PLEKHA2: variants seen among roughly 807,000 people sequenced by gnomAD.
PLEKHA2 encodes pleckstrin homology domain-containing family A member 2.
PLEKHA2 carries 28 observed loss-of-function variants against 53.2 expected under a neutral mutation model. The observed-to-expected ratio is 0.53, with a 90% CI of 0.39 to 0.72. The LOEUF is 0.72. Among genes scored for constraint, PLEKHA2 ranks in the 30% least tolerant of loss-of-function variants. The pLI, the probability that PLEKHA2 is intolerant of heterozygous loss-of-function variation, is 0.00. For missense variants in PLEKHA2, 426 were observed against 537.9 expected, an observed-to-expected ratio of 0.79 and a Z score of 2.06; for synonymous variants, 193 against 196.4, an observed-to-expected ratio of 0.98 and a Z score of 0.14.
intron 3 of PLEKHA2, among the ~76,000 whole-genome samples, chr8:38,941,739 A>C (rs1266812650): frequency 6.6e-6 from 1 of 152,216 alleles, no homozygotes; most frequent in Non-Finnish European, 1.5e-5. Context: ...TGACTGTCTT[A>C]CCTGCACTAT....
In PLEKHA2 at chr8:38,954,879, A is replaced by G. The variant is rs550508957; in HGVS notation, c.773+1512A>G. Among the ~76,000 whole-genome samples, 3 of 152,034 alleles carry G rather than the reference A, an allele frequency of 2.0e-5. No individual in the cohort carries two copies. In the East Asian group the frequency reaches 5.8e-4, roughly 29 times the overall value. ...GAAACCCCTTCTTTACTAAAAATACAAAAAATTAGCCGGGCATGGTGGTGG... is the reference window on the plus strand; with the variant it reads ...GAAACCCCTTCTTTACTAAAAATACGAAAAATTAGCCGGGCATGGTGGTGG... On this transcript the variant is annotated intron_variant, in intron 9 of 11. Transcript: ENST00000617275.
At chr8:38,904,661 A>G (rs1833843543) in intron 1 of PLEKHA2, among the ~76,000 whole-genome samples, 1 of 152,178 alleles carries the variant, frequency 6.6e-6, no homozygotes, top group African/African-American at 2.4e-5. Flanking sequence ...ATTTTTAGAG[A>G]TGTAAAATGT....
intron 1 of PLEKHA2, among the ~76,000 whole-genome samples, chr8:38,910,415 C>T (rs1440599928): frequency 2.0e-5 from 3 of 152,064 alleles, no homozygotes; most frequent in African/African-American, 7.2e-5. Context: ...TCTGTATGCA[C>T]ATACTTTTGA....
chr8:38,965,688 T>C (rs1009613326), intron 10 of PLEKHA2, among the ~76,000 whole-genome samples: 2 of 152,164 alleles, frequency 1.3e-5, no homozygotes, highest in Non-Finnish European at 2.9e-5. Flanking sequence ...AGGAATTAGC[T>C]GCAGTTTGAG....
In PLEKHA2 at chr8:38,922,690, C is replaced by G. The variant is rs1834214603; in HGVS notation, c.141+4620C>G. On this transcript the variant is annotated intron_variant, in intron 2 of 11. Transcript: ENST00000617275. This position sits in a 1 kb window ranked among gnomAD's most constrained non-coding sequence, Gnocchi z 4.0. ...CACCTGGTAGGTGGTGTTCACTGAG[C>G]CTGAATCTGTTACTGCTGCTGCTAC... Among the ~76,000 whole-genome samples the G allele has an allele frequency of 6.6e-6, 1 of 152,204 alleles. No homozygotes were observed.
At chr8:38,911,932 C>T (rs1331867851) in intron 1 of PLEKHA2, among the ~76,000 whole-genome samples, 1 of 152,196 alleles carries the variant, frequency 6.6e-6, no homozygotes, top group South Asian at 2.1e-4. Context: ...GCTACGATTA[C>T]ACCACTGCAC....
At chr8:38,937,883 C>G (rs966980977) in intron 3 of PLEKHA2, among the ~76,000 whole-genome samples, 1 of 152,198 alleles carries the variant, frequency 6.6e-6, no homozygotes, top group Non-Finnish European at 1.5e-5. Flanking sequence ...GTCAGGTGGC[C>G]TGGCCAGAGG....
In PLEKHA2 at chr8:38,909,872, G is replaced by A. The variant is rs545262190; in HGVS notation, c.-23-8035G>A. ...GTATCATAAATACTTATTTTCATTC[G>A]CAGTACATACTTAAGAACTTATATT... On this transcript the variant is annotated intron_variant, in intron 1 of 11. Coordinates refer to ENST00000617275, the MANE Select transcript of PLEKHA2 (RefSeq NM_021623.2). Among the ~76,000 whole-genome samples the A allele has an allele frequency of 4.6e-4, 70 of 151,986 alleles. 1 individual carries two copies. The highest frequency in any genetic ancestry group is 1.5e-3 in the African/African-American group (64 of 41,442).
chr8:38,910,110 C>T (rs1833934769), intron 1 of PLEKHA2, among the ~76,000 whole-genome samples: 1 of 152,084 alleles, frequency 6.6e-6, no homozygotes, highest in Non-Finnish European at 1.5e-5. Flanking sequence ...GCATGCACTA[C>T]CATGCCCGGC....
intron 7 of PLEKHA2, 152 bp downstream of exon 7, chr8:38,952,464 T>A: frequency 7.4e-7 from 1 of 1,357,660 alleles, no homozygotes; most frequent in East Asian, 2.5e-5. Context: ...GGACTGACCT[T>A]TGGCTCCCAC....
intron 9 of PLEKHA2, among the ~76,000 whole-genome samples, chr8:38,955,320 G>A (rs1834919915): frequency 6.6e-6 from 1 of 152,146 alleles, no homozygotes; most frequent in African/African-American, 2.4e-5. Context: ...CTATGCATGA[G>A]TAGAATTTGA....
chr8:38,962,753 A>G (rs1835061820), intron 10 of PLEKHA2, among the ~76,000 whole-genome samples: 1 of 152,254 alleles, frequency 6.6e-6, no homozygotes, highest in South Asian at 2.1e-4. Flanking sequence ...AGCTTGGCAT[A>G]AGCCCAGTTG....
At chr8:38,947,644 T>G (rs776512041) in intron 5 of PLEKHA2, among the ~76,000 whole-genome samples, 1 of 152,046 alleles carries the variant, frequency 6.6e-6, no homozygotes, top group Non-Finnish European at 1.5e-5. Context: ...TCAGGTAGTG[T>G]AAACAGCTTT....
intron 5 of PLEKHA2, among the ~76,000 whole-genome samples, chr8:38,949,303 CAAG>C (rs555579379): frequency 4.4e-4 from 66 of 151,524 alleles, no homozygotes; most frequent in African/African-American, 1.6e-3. Context: ...GTGAAGTGGG[CAAG>C]GAGGAGGAAA....
chr8:38,955,413 A>G (rs1834921786), intron 9 of PLEKHA2, among the ~76,000 whole-genome samples: 1 of 152,234 alleles, frequency 6.6e-6, no homozygotes, highest in Non-Finnish European at 1.5e-5. Flanking sequence ...ATTTGCTTCA[A>G]GTGACTATTC....
At chr8:38,926,419 G>A (rs980200251) in intron 2 of PLEKHA2, among the ~76,000 whole-genome samples, 10 of 142,062 alleles carry the variant, frequency 7.0e-5, no homozygotes, top group African/African-American at 2.4e-4. Context: ...TTCTTACTCC[G>A]TCTCCGAGAC....
chr8:38,925,671 C>G (rs919250330), intron 2 of PLEKHA2, among the ~76,000 whole-genome samples: 1 of 152,134 alleles, frequency 6.6e-6, no homozygotes, highest in Non-Finnish European at 1.5e-5. Context: ...GCAGTTCTTT[C>G]CATTGATGGG....
chr8:38,951,771 A>G (rs897395409), intron 6 of PLEKHA2, among the ~76,000 whole-genome samples: 1 of 152,114 alleles, frequency 6.6e-6, no homozygotes, highest in African/African-American at 2.4e-5. Flanking sequence ...CAGTGGTGCA[A>G]TCATGGCTCA....
At chr8:38,923,044 G>A (rs1388602028) in intron 2 of PLEKHA2, among the ~76,000 whole-genome samples, 2 of 152,176 alleles carry the variant, frequency 1.3e-5, no homozygotes, top group African/African-American at 4.8e-5. Flanking sequence ...GCTGGGGAGA[G>A]GAAAACAACA....
Sources: allele counts gnomAD v4.1 joint callset (sites outside exome capture counted in the v4.1 genomes callset), GRCh38; gene constraint gnomAD v4.1.1; non-coding constraint Gnocchi (gnomAD v3.1); transcripts MANE v1.5; gene names NCBI Gene and HGNC (gene_info 2026-07-23, HGNC 2026-07-21).